Variants in MIR2052HG observed in about 807,000 individuals in gnomAD.
MIR2052HG encodes the protein MIR2052 host gene.
At chr8:74,668,912 T>A (rs1294167855) in intron 2 of MIR2052HG, among the ~76,000 whole-genome samples, 1 of 152,174 alleles carries the variant, frequency 6.6e-6, no homozygotes, top group Non-Finnish European at 1.5e-5. Context: ...AAGTTCAATC[T>A]CTCCTCCTGC....
intron 4 of MIR2052HG, among the ~76,000 whole-genome samples, chr8:74,723,251 G>A (rs1233803019): frequency 6.6e-6 from 1 of 152,206 alleles, no homozygotes; most frequent in Non-Finnish European, 1.5e-5. Context: ...TTATATGATA[G>A]TCATTTCACT....
Position 74,723,174 on chromosome 8 carries a change from CT to C in MIR2052HG, n.371+19493del, listed in dbSNP as rs1411835459. On this transcript the variant is annotated intron_variant and non_coding_transcript_variant, in intron 4 of 6. Coordinates refer to ENST00000523442, the Ensembl canonical transcript of MIR2052HG. ...TCCAAATATTTGACAATAATTATCA[CT>C]CTGGAATCTCACATTCTTTCATCCC... Among the ~76,000 whole-genome samples the C allele has an allele frequency of 2.0e-5, 3 of 152,218 alleles. No individual in the cohort carries two copies. The South Asian group carries it at 6.2e-4, about 31-fold the overall frequency.
At chr8:74,602,830 T>TTTCTTTCC (rs1491569381) in intron 1 of MIR2052HG, among the ~76,000 whole-genome samples, 4 of 132,028 alleles carry the variant, frequency 3.0e-5, no homozygotes, top group Non-Finnish European at 4.7e-5. Flanking sequence ...TCTTTCTTTC[T>TTTCTTTCC]TTCTTTCTTT....
chr8:74,743,637 C>A (rs1009509168), intron 4 of MIR2052HG, among the ~76,000 whole-genome samples: 1 of 152,170 alleles, frequency 6.6e-6, no homozygotes. Context: ...GTTGGAATAA[C>A]CAAACATTCT....
At chr8:74,603,371 C>G in intron 1 of MIR2052HG, 1 of 1,611,288 alleles carries the variant, frequency 6.2e-7, no homozygotes, top group Non-Finnish European at 8.5e-7. Flanking sequence ...GCAGCAGATC[C>G]AGTGATGGTA....
chr8:74,731,863 T>C (rs1809695453), intron 4 of MIR2052HG, among the ~76,000 whole-genome samples: 1 of 152,166 alleles, frequency 6.6e-6, no homozygotes, highest in Admixed American at 6.5e-5. Context: ...TTCAGAAGCA[T>C]ATGGGCCAAT....
intron 2 of MIR2052HG, among the ~76,000 whole-genome samples, chr8:74,701,430 T>A (rs570013498): frequency 1.1e-3 from 172 of 152,130 alleles, no homozygotes; most frequent in Non-Finnish European, 2.0e-3. Context: ...GGAAGTCAAT[T>A]GTATATTCCT....
At position 74,735,522 on chromosome 8, in the gene MIR2052HG, A is replaced by T. The variant is rs535978905; in HGVS notation, n.372-16919A>T. 1.3e-4 allele frequency among the ~76,000 whole-genome samples: 20 copies of T among 152,012 alleles called. No individual in the cohort carries two copies. In the South Asian group the frequency reaches 4.2e-3, roughly 32 times the overall value. Reference sequence around the variant, plus strand: ...GCTCCCCGGGCTCCATGTATCACACACTCTTTCTGTTGGCACCATATTCTC... The same window carrying T: ...GCTCCCCGGGCTCCATGTATCACACTCTCTTTCTGTTGGCACCATATTCTC... On this transcript the variant is annotated intron_variant and non_coding_transcript_variant, in intron 4 of 6. Coordinates refer to ENST00000523442, the Ensembl canonical transcript of MIR2052HG.
At chr8:74,692,013 C>G (rs1377576853) in intron 2 of MIR2052HG, among the ~76,000 whole-genome samples, 1 of 152,172 alleles carries the variant, frequency 6.6e-6, no homozygotes, top group Non-Finnish European at 1.5e-5. Context: ...TTGTCTGTAT[C>G]TCTCAAAGGA....
At chr8:74,667,998 A>C (rs1217965379) in intron 2 of MIR2052HG, among the ~76,000 whole-genome samples, 1 of 151,742 alleles carries the variant, frequency 6.6e-6, no homozygotes, top group African/African-American at 2.4e-5. Context: ...ATGAGATTGT[A>C]GGCATGCAAA....
intron 2 of MIR2052HG, among the ~76,000 whole-genome samples, chr8:74,692,128 G>A (rs1337281120): frequency 6.6e-6 from 1 of 151,974 alleles, no homozygotes; most frequent in African/African-American, 2.4e-5. Flanking sequence ...TGTCATAAAG[G>A]CTCCCAGGCT....
intron 4 of MIR2052HG, among the ~76,000 whole-genome samples, chr8:74,732,472 G>A (rs192877884): frequency 2.6e-5 from 4 of 152,084 alleles, no homozygotes; most frequent in Middle Eastern, 3.4e-3. Context: ...TTAATAAGTG[G>A]GGTAAAAAAC....
chr8:74,683,617 T>A (rs1041282193), intron 2 of MIR2052HG, among the ~76,000 whole-genome samples: 1 of 152,154 alleles, frequency 6.6e-6, no homozygotes, highest in Non-Finnish European at 1.5e-5. Flanking sequence ...GTAATGTTCC[T>A]TTTGATTTAA....
chr8:74,662,252 C>T (rs1032742483), intron 2 of MIR2052HG, among the ~76,000 whole-genome samples: 9 of 152,108 alleles, frequency 5.9e-5, no homozygotes, highest in African/African-American at 2.2e-4. Flanking sequence ...TAATGTCAAC[C>T]ACAGGCATCG....
chr8:74,650,662 A>G (rs1306579617), intron 2 of MIR2052HG, among the ~76,000 whole-genome samples: 2 of 152,152 alleles, frequency 1.3e-5, no homozygotes, highest in Non-Finnish European at 2.9e-5. Context: ...TCCACCAGAA[A>G]TGCATGAAAG....
intron 2 of MIR2052HG, among the ~76,000 whole-genome samples, chr8:74,676,580 A>G (rs994580067): frequency 3.3e-5 from 5 of 151,972 alleles, no homozygotes; most frequent in Non-Finnish European, 7.4e-5. Context: ...TATAGAAAAA[A>G]AATGTGGCAA....
intron 2 of MIR2052HG, among the ~76,000 whole-genome samples, chr8:74,622,516 A>G (rs948377151): frequency 3.3e-5 from 5 of 152,176 alleles, no homozygotes; most frequent in African/African-American, 9.7e-5. Context: ...AGGCATGAGA[A>G]TTGCTTGTAC....
intron 2 of MIR2052HG, among the ~76,000 whole-genome samples, chr8:74,613,376 GAGTCCATGTGTTTT>G (rs942002300): frequency 4.6e-5 from 7 of 152,170 alleles, no homozygotes; most frequent in Admixed American, 4.6e-4. Context: ...TGCAAAGAGA[GAGTCCATGTGTTTT>G]AGGCCAGTGA....
chr8:74,750,640 C>A (rs1809934906), intron 4 of MIR2052HG, among the ~76,000 whole-genome samples: 4 of 152,146 alleles, frequency 2.6e-5, no homozygotes, highest in Admixed American at 2.0e-4. Flanking sequence ...CAACTAATGT[C>A]AAATTTACTG....
Sources: gnomAD v4.1 joint callset for allele counts (sites outside exome capture counted in the v4.1 genomes callset) on GRCh38, gnomAD v4.1.1 for gene constraint, MANE v1.5 for transcripts, NCBI Gene and HGNC (gene_info 2026-07-23, HGNC 2026-07-21) for gene names.